The following ATR variants were observed in gnomAD, a reference collection of about 807,000 sequenced individuals.
ATR encodes ATR checkpoint kinase.
In ATR, 142 loss-of-function variants were observed where a neutral mutation model predicts 305.3. The observed-to-expected ratio is 0.47, with a 90% CI of 0.41 to 0.53. The LOEUF (loss-of-function observed/expected upper bound fraction) is 0.53. Ranked by LOEUF, ATR falls within the 20% of genes least tolerant of loss-of-function variation. The pLI is 0.00. For missense variants in ATR, 2,135 were observed against 3,133.1 expected (o/e 0.68, Z 7.60); for synonymous variants, 1,050 against 1,068.1 (o/e 0.98, Z 0.33).
At chr3:142,466,885 C>A (rs550538302) in intron 39 of ATR, among the ~76,000 whole-genome samples, 55 of 152,244 alleles carry the variant, frequency 3.6e-4, no homozygotes, top group Non-Finnish European at 6.6e-4. Context: ...TAAATATGCA[C>A]TAAAATCTTA....
At chr3:142,573,050 CATTTT>C (rs1418868439) in intron 1 of ATR, among the ~76,000 whole-genome samples, 1 of 152,168 alleles carries the variant, frequency 6.6e-6, no homozygotes, top group Admixed American at 6.5e-5. Flanking sequence ...AGAGAAAATG[CATTTT>C]ATTTCTTTTT....
In ATR at chr3:142,576,610, G is replaced by A. The variant is rs74693245; in HGVS notation, c.59+2036C>T. ...AATTTTTTTAATTTAAAAAAAGAAA[G>A]CTTGTGAAAGCTAGGACATGTGGGG... On this transcript the variant is annotated intron_variant, in intron 1 of 46. Coordinates refer to ENST00000350721, the MANE Select transcript of ATR (RefSeq NM_001184.4). Among the ~76,000 whole-genome samples, 781 of 152,302 alleles carry A rather than the reference G, an allele frequency of 5.1e-3. 2 individuals are homozygous for A. Among genetic ancestry groups the A allele is most frequent in the African/African-American group, 0.018 (751 of 41,554 alleles).
intron 32 of ATR, 132 bp downstream of exon 32, chr3:142,498,465 G>C (rs1192142692): frequency 1.3e-6 from 1 of 799,990 alleles, no homozygotes; most frequent in African/African-American, 1.7e-5. Context: ...GAGGTAAAAA[G>C]AATGAAAGAG....
chr3:142,484,131 C>T (rs1291091240), intron 36 of ATR, among the ~76,000 whole-genome samples: 1 of 152,110 alleles, frequency 6.6e-6, no homozygotes, highest in Non-Finnish European at 1.5e-5. Context: ...CTTCTCCTGT[C>T]CTTCACTCAT....
In ATR at chr3:142,512,334, C is replaced by T. The variant is rs772382675; in HGVS notation, c.4778G>A (p.Arg1593Lys). 3.1e-6 allele frequency: 5 copies of T among 1,613,618 alleles called. No homozygotes were observed. In the Admixed American group the frequency reaches 8.3e-5, roughly 27 times the overall value. ...SMLDHLTQWA[R>K]HKFQALKAEK... ...AGCTTTCAGTGCCTGAAATTTGTGC[C>T]TTGCCCACTGTGTGAGATGGTCAAG... is the stretch of plus-strand genomic sequence containing the variant. The change falls in exon 27 of 47, where the codon AGG (arginine) becomes AAG (lysine). Residue 1593 changes from arginine to lysine, a missense_variant. Transcript: ENST00000350721.
chr3:142,549,646 G>T lies in ATR; in HGVS notation c.3004C>A (p.Leu1002Ile), dbSNP rs1180191689. Residue 1002 changes from leucine to isoleucine, a missense_variant, in exon 15 of 47, where the codon CTT becomes ATT. This residue lies in a region of ATR where 530 missense variants were observed against 766.8 expected (regional missense o/e 0.69). Transcript: ENST00000350721. ...GCTGCAGGGCTTGCTTTGGCAGCAA[G>T]ATCAGGTAGTAGAACTTGTAATGTC... ...TRTLQVLLPD[L>I]AAKASPAASA... is the part of the protein sequence containing the mutation. The T allele has an allele frequency of 6.2e-7, 1 of 1,613,568 alleles. No homozygotes were observed.
At chr3:142,575,816 T>G (rs1201451142) in intron 1 of ATR, among the ~76,000 whole-genome samples, 1 of 152,164 alleles carries the variant, frequency 6.6e-6, no homozygotes, top group Non-Finnish European at 1.5e-5. Context: ...AAGGTCAGTA[T>G]CACTAGAGTA....
At chr3:142,569,898 G>T (rs1313783656) in intron 1 of ATR, among the ~76,000 whole-genome samples, 1 of 150,984 alleles carries the variant, frequency 6.6e-6, no homozygotes, top group African/African-American at 2.4e-5. Flanking sequence ...GCCTGCCTCA[G>T]CCTCCCAAAG....
At position 142,562,421 on chromosome 3, in the gene ATR, GAC is replaced by G. The variant is rs773937499; in HGVS notation, c.979_980del (p.Val327HisfsTer3). The G allele has an allele frequency of 4.3e-6, 7 of 1,614,098 alleles. No homozygotes were observed. Among genetic ancestry groups the G allele is most frequent in the East Asian group, 2.2e-5 (1 of 44,880 alleles). ...YLNMLLEKLC[V>X]MFEDGVLMRL... is the part of the protein sequence containing the mutation. ...GCATGAGCACACCGTCTTCAAACAT[GAC>G]ACAGAGTTTTTCCAGCAGCATATTT... On this transcript the variant is annotated frameshift_variant, in exon 4 of 47. Transcript: ENST00000350721. LOFTEE classifies it high-confidence loss of function.
chr3:142,551,927 C>G, intron 13 of ATR, among the ~76,000 whole-genome samples: 1 of 152,040 alleles, frequency 6.6e-6, no homozygotes, highest in East Asian at 1.9e-4. Flanking sequence ...ATTCATCTGA[C>G]AGAGGTCTAA....
At chr3:142,578,543 T>C (rs548327620) in intron 1 of ATR, 103 bp downstream of exon 1, 6 of 1,324,438 alleles carry the variant, frequency 4.5e-6, no homozygotes, top group East Asian at 2.5e-5. Context: ...AGCGGGGGCT[T>C]AGGGGATCCC....
At chr3:142,496,333 T>TG in intron 34 of ATR, 28 bp downstream of exon 34, 1 of 645,020 alleles carries the variant, frequency 1.6e-6, no homozygotes, top group Non-Finnish European at 2.6e-6. Context: ...TATATATATA[T>TG]ATATGATGAC....
intron 30 of ATR, among the ~76,000 whole-genome samples, chr3:142,502,306 A>C (rs911398397): frequency 3.9e-5 from 6 of 152,240 alleles, no homozygotes; most frequent in Non-Finnish European, 5.9e-5. Flanking sequence ...CAAAGACATG[A>C]AATCAACCTA....
At chr3:142,483,062 G>GC in intron 36 of ATR, among the ~76,000 whole-genome samples, 1 of 143,922 alleles carries the variant, frequency 6.9e-6, no homozygotes, top group East Asian at 2.0e-4. Context: ...CTGCTGTGCA[G>GC]TGGTGCAATC....
intron 39 of ATR, 31 bp downstream of exon 39, chr3:142,467,903 C>G (rs1164637273): frequency 6.2e-7 from 1 of 1,607,312 alleles, no homozygotes. Flanking sequence ...TACCCAACAT[C>G]AGTTTATAAG....
At chr3:142,532,812 A>G (rs2033712145) in intron 21 of ATR, among the ~76,000 whole-genome samples, 1 of 152,172 alleles carries the variant, frequency 6.6e-6, no homozygotes, top group Non-Finnish European at 1.5e-5. Context: ...CTGTGGCTAA[A>G]TTTTAAATTC....
chr3:142,457,841 A>G lies in ATR; in HGVS notation c.7504-86T>C, dbSNP rs887801381. The G allele has an allele frequency of 1.9e-5, 27 of 1,408,392 alleles. No individual in the cohort carries two copies. In the African/African-American group the frequency reaches 3.9e-4, roughly 20 times the overall value. The allele number at this position is 1,408,392 out of a possible 1,614,324, so 87.2% of individuals were successfully genotyped here. A position where few individuals can be genotyped will look rare whatever the true frequency, so the allele number is the denominator to read the frequency against. On this transcript the variant is annotated intron_variant, in intron 44 of 46. Coordinates refer to ENST00000350721, the MANE Select transcript of ATR (RefSeq NM_001184.4). ...AAGAACTTCATGTCCAGATTCTTTT[A>G]GCAAAAAGCAAAAATACCCTCAAAA...
chr3:142,507,854 A>G (rs2032337799), intron 28 of ATR, 77 bp downstream of exon 28: 3 of 1,343,318 alleles, frequency 2.2e-6, no homozygotes, highest in Non-Finnish European at 3.1e-6. Flanking sequence ...TAAAACATTC[A>G]ATAAAATGAA....
intron 30 of ATR, among the ~76,000 whole-genome samples, chr3:142,501,406 A>C (rs1479072060): frequency 6.6e-6 from 1 of 152,214 alleles, no homozygotes; most frequent in Non-Finnish European, 1.5e-5. Context: ...TTGTGATTTC[A>C]TAAATTCCAC....
Sources: gnomAD v4.1 joint callset for allele counts (sites outside exome capture counted in the v4.1 genomes callset) on GRCh38, gnomAD v4.1.1 for gene constraint, gnomAD v4.1.1 regional missense constraint, MANE v1.5 for transcripts, NCBI Gene and HGNC (gene_info 2026-07-23, HGNC 2026-07-21) for gene names.